Variants in CAMK1D observed in about 807,000 individuals in gnomAD.
The protein encoded by CAMK1D is calcium/calmodulin-dependent protein kinase type 1D.
CAMK1D carries 9 observed loss-of-function variants against 47.7 expected under a neutral mutation model. The observed-to-expected ratio is 0.19, with a 90% CI of 0.11 to 0.33. CAMK1D has a LOEUF of 0.33. CAMK1D is among the 10% of genes least tolerant of loss of function. CAMK1D has a pLI of 1.00. For synonymous variants in CAMK1D, 184 were observed against 184.9 expected, an observed-to-expected ratio of 0.99 and a Z score of 0.04; for missense variants, 291 against 488.7, an observed-to-expected ratio of 0.60 and a Z score of 3.81.
chr10:12,780,546 T>C (rs900516960), intron 5 of CAMK1D, among the ~76,000 whole-genome samples: 2 of 152,160 alleles, frequency 1.3e-5, no homozygotes, highest in Non-Finnish European at 2.9e-5. Context: ...AAGGATTCAG[T>C]CAATGGACCT....
At chr10:12,741,677 A>C (rs1365451828) in intron 3 of CAMK1D, among the ~76,000 whole-genome samples, 1 of 152,186 alleles carries the variant, frequency 6.6e-6, no homozygotes, top group Non-Finnish European at 1.5e-5. Flanking sequence ...CCTCTGAAGC[A>C]GAGGTTTGGG....
intron 6 of CAMK1D, among the ~76,000 whole-genome samples, chr10:12,797,473 C>G (rs926395619): frequency 3.9e-5 from 6 of 152,156 alleles, no homozygotes; most frequent in African/African-American, 1.2e-4. Context: ...TCCCAAAGTG[C>G]TGGCATTACA....
At chr10:12,520,116 G>T (rs61847441) in intron 1 of CAMK1D, among the ~76,000 whole-genome samples, 7 of 73,752 alleles carry the variant, frequency 9.5e-5, no homozygotes, top group South Asian at 5.9e-4. Context: ...CGGGCGGAGA[G>T]GCTCCTCACT....
chr10:12,750,391 C>T (rs565654412), intron 3 of CAMK1D, among the ~76,000 whole-genome samples: 49 of 152,272 alleles, frequency 3.2e-4, no homozygotes, highest in African/African-American at 1.0e-3. Flanking sequence ...TATTAAAATG[C>T]GCTGAAGGGT....
At position 12,401,155 on chromosome 10, in the gene CAMK1D, TATATATA is replaced by T. The variant is rs1461789107; in HGVS notation, c.92+51252_92+51258del. Among the ~76,000 whole-genome samples the T allele has an allele frequency of 1.4e-4, 9 of 62,132 alleles. No homozygotes were observed. In the East Asian group the frequency reaches 2.6e-3, roughly 18 times the overall value. The allele number at this position is 62,132 out of a possible 152,430, so 40.8% of individuals were successfully genotyped here. On this transcript the variant is annotated intron_variant, in intron 1 of 10. Transcript: ENST00000619168. The stretch of plus-strand genomic sequence containing the variant: ...ATATATATTATATATATATTTTATA[TATATATA>T]ATATATGTATTATATATATTATATA...
intron 1 of CAMK1D, among the ~76,000 whole-genome samples, chr10:12,414,028 C>A (rs1260534627): frequency 6.6e-6 from 1 of 152,178 alleles, no homozygotes; most frequent in African/African-American, 2.4e-5. Context: ...TTTGGATGTA[C>A]TGACCTTACT....
At chr10:12,647,042 C>T (rs10906194) in intron 2 of CAMK1D, among the ~76,000 whole-genome samples, 73,243 of 151,360 alleles carry the variant, frequency 0.48, 18,802 homozygotes, top group East Asian at 0.65. Context: ...GGGGTTTCAC[C>T]GTGTTGGCCA....
At chr10:12,641,151 T>G (rs1407341033) in intron 2 of CAMK1D, among the ~76,000 whole-genome samples, 1 of 152,044 alleles carries the variant, frequency 6.6e-6, no homozygotes, top group Non-Finnish European at 1.5e-5. Flanking sequence ...GTGTCTTTAG[T>G]AGAGAAGGGG....
At chr10:12,469,506 G>A (rs573718901) in intron 1 of CAMK1D, among the ~76,000 whole-genome samples, 25 of 152,144 alleles carry the variant, frequency 1.6e-4, no homozygotes, top group African/African-American at 6.0e-4. Context: ...TAGGTTTGCC[G>A]TGCTCTGCTA....
chr10:12,544,278 T>C (rs1836288834), intron 1 of CAMK1D, among the ~76,000 whole-genome samples: 1 of 152,230 alleles, frequency 6.6e-6, no homozygotes, highest in Admixed American at 6.5e-5. Flanking sequence ...AATGGCTTTC[T>C]TTATCATTCA....
At chr10:12,716,638 C>T (rs2130771074) in intron 3 of CAMK1D, among the ~76,000 whole-genome samples, 1 of 152,138 alleles carries the variant, frequency 6.6e-6, no homozygotes, top group Non-Finnish European at 1.5e-5. Context: ...ATTTCCATCC[C>T]CCGAGATGAA....
intron 1 of CAMK1D, among the ~76,000 whole-genome samples, chr10:12,460,955 A>G (rs960441193): frequency 9.2e-5 from 14 of 152,176 alleles, no homozygotes; most frequent in African/African-American, 2.7e-4. Context: ...TTAGAATCTC[A>G]GGGTGGACTT....
rs867383374 is a variant in CAMK1D at position 12,641,317 on chromosome 10, A to G, written c.225-25419A>G. Among the ~76,000 whole-genome samples, 40 of 152,278 alleles carry G rather than the reference A, an allele frequency of 2.6e-4. 2 individuals carry two copies. In the Middle Eastern group the frequency reaches 0.01, roughly 39 times the overall value. Reference sequence around the variant, plus strand: ...ATTTTGACTTTTTAAAAAATTAGTGAATGTTTAAAATAATAGAAATGTGGC... The same window carrying G: ...ATTTTGACTTTTTAAAAAATTAGTGGATGTTTAAAATAATAGAAATGTGGC... On this transcript the variant is annotated intron_variant, in intron 2 of 10. Transcript: ENST00000619168.
At chr10:12,605,855 G>T (rs1163947307) in intron 2 of CAMK1D, among the ~76,000 whole-genome samples, 1 of 152,168 alleles carries the variant, frequency 6.6e-6, no homozygotes, top group Non-Finnish European at 1.5e-5. Context: ...AAACAGCTCA[G>T]CCTCTCCCCG....
intron 1 of CAMK1D, among the ~76,000 whole-genome samples, chr10:12,450,836 C>T (rs1015391114): frequency 2.0e-5 from 3 of 152,166 alleles, no homozygotes; most frequent in African/African-American, 7.2e-5. Context: ...AAGGAAACTC[C>T]CATTGTTCCA....
chr10:12,484,483 A>C (rs1834154126), intron 1 of CAMK1D, among the ~76,000 whole-genome samples: 1 of 152,124 alleles, frequency 6.6e-6, no homozygotes, highest in African/African-American at 2.4e-5. Flanking sequence ...GGAGATGGAG[A>C]GCTGTCATTA....
In CAMK1D at chr10:12,398,873, C is replaced by T. The variant is rs77205139; in HGVS notation, c.92+48963C>T. Reference sequence around the variant, plus strand: ...AAGGAGGTCAGAATTAGTCCTTTTCCTATTTTTGTGTTTTTATAGATGTTA... The same window carrying T: ...AAGGAGGTCAGAATTAGTCCTTTTCTTATTTTTGTGTTTTTATAGATGTTA... On this transcript the variant is annotated intron_variant, in intron 1 of 10. Coordinates refer to ENST00000619168, the MANE Select transcript of CAMK1D (RefSeq NM_153498.4). 6.4e-3 allele frequency among the ~76,000 whole-genome samples: 972 copies of T among 151,728 alleles called. 8 individuals are homozygous for T. Among genetic ancestry groups the T allele is most frequent in the African/African-American group, 0.022 (907 of 41,368 alleles).
At chr10:12,516,389 G>A (rs1835212486) in intron 1 of CAMK1D, among the ~76,000 whole-genome samples, 1 of 152,210 alleles carries the variant, frequency 6.6e-6, no homozygotes, top group African/African-American at 2.4e-5. Context: ...TTACAGGCGT[G>A]AGCCACCGCG....
intron 1 of CAMK1D, among the ~76,000 whole-genome samples, chr10:12,532,303 G>A (rs1463285438): frequency 3.4e-5 from 5 of 148,614 alleles, no homozygotes; most frequent in South Asian, 4.2e-4. Context: ...TTTTTGAGAC[G>A]GAGTCTCGCT....
Sources: gnomAD v4.1 joint callset for allele counts (sites outside exome capture counted in the v4.1 genomes callset) on GRCh38, gnomAD v4.1.1 for gene constraint, MANE v1.5 for transcripts, NCBI Gene and HGNC (gene_info 2026-07-23, HGNC 2026-07-21) for gene names.